Variants in BTG3 observed in about 807,000 individuals in gnomAD.
BTG3 encodes the protein BTG anti-proliferation factor 3, also known as protein BTG3.
BTG3 carries 4 observed loss-of-function variants against 25.8 expected under a neutral mutation model. The observed-to-expected ratio is 0.16, with a 90% CI of 0.08 to 0.36. The LOEUF (loss-of-function observed/expected upper bound fraction) is 0.36. Ranked by LOEUF, BTG3 falls within the 10% of genes least tolerant of loss-of-function variation. The pLI, the probability that BTG3 is intolerant of heterozygous loss-of-function variation, is 1.00. For synonymous variants in BTG3, 107 were observed against 99.9 expected, an observed-to-expected ratio of 1.07 and a Z score of -0.42; for missense variants, 201 against 304.9, an observed-to-expected ratio of 0.66 and a Z score of 2.54.
Position 17,604,916 on chromosome 21 carries a change from G to C in BTG3, c.255C>G (p.Asp85Glu). 2 of 1,614,134 alleles carry C rather than the reference G, an allele frequency of 1.2e-6. No homozygotes were observed. Among genetic ancestry groups the C allele is most frequent in the Non-Finnish European group, 8.5e-7 (1 of 1,180,016 alleles). Residue 85 changes from aspartate to glutamate, a missense_variant, in exon 3 of 5, where the codon GAC becomes GAG. This residue lies in a region of BTG3 where 70 missense variants were observed against 175.7 expected (regional missense o/e 0.40). Coordinates refer to ENST00000348354, the MANE Select transcript of BTG3 (RefSeq NM_006806.5). ...ACENSCILYS[D>E]LGLPKELTLW... is the part of the protein sequence containing the mutation. ...GAGTGAGCTCCTTTGGCAAGCCCAG[G>C]TCACTATACAAGATGCAGCTGTTTT...
intron 2 of BTG3, among the ~76,000 whole-genome samples, chr21:17,606,905 A>G (rs549820146): frequency 6.6e-6 from 1 of 152,294 alleles, no homozygotes; most frequent in East Asian, 1.9e-4. Flanking sequence ...TTCAAAAGGT[A>G]TGAATATTTT....
At position 17,605,015 on chromosome 21, in the gene BTG3, T is replaced by G. The variant is rs1569184851; in HGVS notation, c.174-18A>C. The G allele has an allele frequency of 1.2e-6, 2 of 1,611,174 alleles. No homozygotes were observed. The highest frequency in any genetic ancestry group is 1.3e-5 in the African/African-American group (1 of 74,932). On this transcript the variant is annotated intron_variant, in intron 2 of 4. Coordinates refer to ENST00000348354, the MANE Select transcript of BTG3 (RefSeq NM_006806.5). ...GAATACATCTACAACAAAGTGGAGT[T>G]ACGTTAATGGATTTAAATGAATTTA...
intron 4 of BTG3, among the ~76,000 whole-genome samples, chr21:17,596,492 T>C (rs1235975843): frequency 6.6e-6 from 1 of 152,020 alleles, no homozygotes; most frequent in Admixed American, 6.6e-5. Flanking sequence ...TTAGGTTCGT[T>C]TTTTTTCCTA....
chr21:17,598,985 G>A (rs2061537975), intron 3 of BTG3, 161 bp from the exon 4 acceptor site: 1 of 539,134 alleles, frequency 1.9e-6, no homozygotes, highest in African/African-American at 1.9e-5. Context: ...ACAGCTCAAT[G>A]CCAGCAAGCA....
chr21:17,602,530 TATATC>T (rs1327689795), intron 3 of BTG3, among the ~76,000 whole-genome samples: 1 of 152,244 alleles, frequency 6.6e-6, no homozygotes, highest in African/African-American at 2.4e-5. Context: ...TCTGTTAACT[TATATC>T]AACCACCTCT....
intron 4 of BTG3, 113 bp from the exon 5 acceptor site, chr21:17,594,445 G>A: frequency 7.9e-7 from 1 of 1,258,372 alleles, no homozygotes; most frequent in Non-Finnish European, 1.1e-6. Context: ...TCACATCTAA[G>A]TGACACTCCT....
intron 2 of BTG3, 167 bp from the exon 3 acceptor site, chr21:17,605,164 A>G: frequency 1.4e-6 from 1 of 719,806 alleles, no homozygotes; most frequent in East Asian, 3.0e-5. Context: ...TGTGAACTAC[A>G]GGCACAGAGG....
In BTG3 at chr21:17,597,626, T is replaced by TATATAC. The variant is rs201457103; in HGVS notation, c.519+985_519+990dup. Among the ~76,000 whole-genome samples, 315 of 152,096 alleles carry TATATAC rather than the reference T, an allele frequency of 2.1e-3. 5 individuals carry two copies. The Middle Eastern group carries it at 0.044, about 21-fold the overall frequency. On this transcript the variant is annotated intron_variant, in intron 4 of 4. Coordinates refer to ENST00000348354, the MANE Select transcript of BTG3 (RefSeq NM_006806.5). ...AAGTTTCATAAAGCCAGGTACATGTTATATACATATACATATACATACACA... is the reference window on the plus strand; with the variant it reads ...AAGTTTCATAAAGCCAGGTACATGTTATATACATATACATATACATATACATACACA...
chr21:17,606,063 C>A (rs182055238), intron 2 of BTG3, among the ~76,000 whole-genome samples: 1 of 152,130 alleles, frequency 6.6e-6, no homozygotes, highest in Non-Finnish European at 1.5e-5. Context: ...AAGTTCTCAA[C>A]AGGTAATAGG....
intron 3 of BTG3, chr21:17,604,078 A>T (rs2061606140): frequency 8.2e-7 from 1 of 1,214,968 alleles, no homozygotes; most frequent in Middle Eastern, 2.8e-4. Context: ...AACTCTATTC[A>T]TTAGGAGATG....
Position 17,599,455 on chromosome 21 carries a change from C to T in BTG3, c.312-631G>A, listed in dbSNP as rs117841295. On this transcript the variant is annotated intron_variant, in intron 3 of 4. Transcript: ENST00000348354. Reference sequence around the variant, plus strand: ...TCAGCTACCCAAAGTGCTAGAATTACAGGCATGCGCCACTGGCTGATTTTT... The same window carrying T: ...TCAGCTACCCAAAGTGCTAGAATTATAGGCATGCGCCACTGGCTGATTTTT... Among the ~76,000 whole-genome samples, 194 of 146,592 alleles carry T rather than the reference C, an allele frequency of 1.3e-3. 4 individuals carry two copies. The East Asian group carries it at 0.038, about 29-fold the overall frequency.
At chr21:17,596,749 A>C (rs977648089) in intron 4 of BTG3, among the ~76,000 whole-genome samples, 1 of 152,052 alleles carries the variant, frequency 6.6e-6, no homozygotes, top group Non-Finnish European at 1.5e-5. Context: ...AAAATTTTGA[A>C]TCAATTTGTC....
rs183063202 is a variant in BTG3 at position 17,598,628 on chromosome 21, G to C, written c.508C>G (p.Pro170Ala). 15 of 1,613,860 alleles carry C rather than the reference G, an allele frequency of 9.3e-6. No individual in the cohort carries two copies. The Admixed American group carries it at 1.0e-4, about 11-fold the overall frequency. ...GTTTTCATGGTTACCTGGTACACAG[G>C]ACTTGCGGCTGCAGTCACCGAACTG... ...KPSSVTAAASPVYQISELIFP... is the reference protein window; with the variant it reads ...KPSSVTAAASAVYQISELIFP... Residue 170 changes from proline (P) to alanine (A), a missense_variant, in exon 4 of 5, where the codon CCT (proline) becomes GCT (alanine). Coordinates refer to ENST00000348354, the MANE Select transcript of BTG3 (RefSeq NM_006806.5).
rs575760870 is a variant in BTG3, at chr21:17,601,055, C to T, written c.312-2231G>A. ...GTGTGCGCCTGTAATCCCAGCTACT[C>T]GGGAGGCTGAGGCAGGAGAATTGCT... On this transcript the variant is annotated intron_variant, in intron 3 of 4. Transcript: ENST00000348354. Among the ~76,000 whole-genome samples the T allele has an allele frequency of 7.9e-5, 12 of 151,932 alleles. 1 individual carries two copies. The highest frequency in any genetic ancestry group is 2.1e-4 in the South Asian group (1 of 4,816).
intron 4 of BTG3, among the ~76,000 whole-genome samples, chr21:17,595,390 C>CT (rs994762989): frequency 6.6e-5 from 10 of 151,950 alleles, no homozygotes; most frequent in African/African-American, 1.9e-4. Flanking sequence ...GAAAGTCCCT[C>CT]TTTTTTTATC....
intron 2 of BTG3, among the ~76,000 whole-genome samples, chr21:17,605,758 C>T (rs1168134263): frequency 6.6e-6 from 1 of 152,084 alleles, no homozygotes; most frequent in African/African-American, 2.4e-5. Context: ...AAATGATAAG[C>T]ATTCTGATTA....
At chr21:17,603,122 A>G (rs2061594840) in intron 3 of BTG3, among the ~76,000 whole-genome samples, 1 of 152,232 alleles carries the variant, frequency 6.6e-6, no homozygotes, top group African/African-American at 2.4e-5. Flanking sequence ...TGTGTTAAAT[A>G]GGAGCCAACT....
Position 17,598,712 on chromosome 21 carries a change from A to T in BTG3, c.424T>A (p.Tyr142Asn), listed in dbSNP as rs1399822438. 1 of 1,614,002 alleles carries T rather than the reference A, an allele frequency of 6.2e-7. No individual in the cohort carries two copies. The highest frequency in any genetic ancestry group is 2.2e-5 in the East Asian group (1 of 44,892). Residue 142 changes from tyrosine to asparagine, a missense_variant, in exon 4 of 5, where the codon TAT (tyrosine) becomes AAT (asparagine). Around this residue, in one of 2 missense-constraint regions of BTG3, gnomAD observed 70 missense variants for 175.7 expected, o/e 0.40. Coordinates refer to ENST00000348354, the MANE Select transcript of BTG3 (RefSeq NM_006806.5). ...TCTGAAGAAGAGGATCCTGAATGAT[A>T]ATCAGAGGTAACCTTATCAAGGGCC... ...TRALDKVTSD[Y>N]HSGSSSSDEE...
intron 3 of BTG3, among the ~76,000 whole-genome samples, chr21:17,600,597 G>A (rs2061559421): frequency 6.6e-6 from 1 of 152,110 alleles, no homozygotes; most frequent in African/African-American, 2.4e-5. Flanking sequence ...TAGGTGGGCA[G>A]ACTGCTTGAG....
Sources: allele counts gnomAD v4.1 joint callset (sites outside exome capture counted in the v4.1 genomes callset), GRCh38; gene constraint gnomAD v4.1.1; regional missense constraint gnomAD v4.1.1; transcripts MANE v1.5; gene names NCBI Gene and HGNC (gene_info 2026-07-23, HGNC 2026-07-21).